JARID2: variants seen among roughly 807,000 people sequenced by gnomAD.
The protein encoded by JARID2 is jumonji and AT-rich interaction domain containing 2.
Under a neutral mutation model 125.6 loss-of-function variants are expected in JARID2, and 21 were observed. The ratio of observed to expected loss-of-function variants is 0.17; its 90% CI spans 0.12 to 0.24. The LOEUF (loss-of-function observed/expected upper bound fraction) is 0.24. Among genes scored for constraint, JARID2 ranks in the 10% least tolerant of loss-of-function variants. The pLI, the probability that JARID2 is intolerant of heterozygous loss-of-function variation, is 1.00. For synonymous variants in JARID2, 736 were observed against 661.6 expected (o/e 1.11, Z -1.73); for missense variants, 1,303 against 1,639.6 (o/e 0.79, Z 3.55).
At chr6:15,256,945 G>A (rs1348465863) in intron 1 of JARID2, among the ~76,000 whole-genome samples, 1 of 152,140 alleles carries the variant, frequency 6.6e-6, no homozygotes, top group Non-Finnish European at 1.5e-5. Flanking sequence ...GGAGGGAATC[G>A]GTATGAATCT....
intron 5 of JARID2, 28 bp from the exon 6 acceptor site, chr6:15,487,279 T>C (rs1172001518): frequency 1.3e-6 from 2 of 1,594,306 alleles, no homozygotes; most frequent in South Asian, 2.2e-5. Context: ...GGTAGTGATT[T>C]CATTCTTGTT....
chr6:15,449,021 A>C (rs1767796826), intron 3 of JARID2, among the ~76,000 whole-genome samples: 1 of 152,052 alleles, frequency 6.6e-6, no homozygotes, highest in Non-Finnish European at 1.5e-5. Context: ...GGGGAAAAAC[A>C]ACCAAGCAGA....
At chr6:15,272,573 A>C (rs1052587404) in intron 1 of JARID2, among the ~76,000 whole-genome samples, 1 of 152,154 alleles carries the variant, frequency 6.6e-6, no homozygotes, top group Non-Finnish European at 1.5e-5. Context: ...ATTTCCCCCA[A>C]ATTGCAGCTG....
intron 1 of JARID2, among the ~76,000 whole-genome samples, chr6:15,362,602 G>C (rs1763837747): frequency 6.6e-6 from 1 of 152,184 alleles, no homozygotes; most frequent in Admixed American, 6.5e-5. Flanking sequence ...TGTAAGGGAA[G>C]TTAGGCTGAT....
At chr6:15,419,264 C>G (rs1412450821) in intron 3 of JARID2, among the ~76,000 whole-genome samples, 2 of 152,070 alleles carry the variant, frequency 1.3e-5, no homozygotes, top group Admixed American at 6.5e-5. Context: ...AAGAGAAGTA[C>G]TAGTTTAATT....
intron 1 of JARID2, among the ~76,000 whole-genome samples, chr6:15,256,917 G>A (rs904451378): frequency 2.0e-5 from 3 of 152,180 alleles, no homozygotes; most frequent in Admixed American, 6.5e-5. Context: ...GGAGTATTTC[G>A]AGTACTACTT....
At chr6:15,441,713 A>G (rs185010414) in intron 3 of JARID2, among the ~76,000 whole-genome samples, 1 of 152,154 alleles carries the variant, frequency 6.6e-6, no homozygotes, top group East Asian at 1.9e-4. Flanking sequence ...TCCATCTGGT[A>G]TGATATTTCT....
intron 3 of JARID2, among the ~76,000 whole-genome samples, chr6:15,438,839 C>T (rs1276944435): frequency 6.6e-6 from 1 of 152,096 alleles, no homozygotes; most frequent in African/African-American, 2.4e-5. Flanking sequence ...GACCACCAGC[C>T]TGGGTAACAT....
intron 1 of JARID2, among the ~76,000 whole-genome samples, chr6:15,252,837 C>T (rs185610634): frequency 1.5e-3 from 235 of 152,230 alleles, no homozygotes; most frequent in Non-Finnish European, 2.9e-3. Context: ...TTTCCAGGCC[C>T]CCAGTCTTTG....
chr6:15,339,887 TCA>T lies in JARID2; in HGVS notation c.46-34228_46-34227del, dbSNP rs147773809. ...GCTCCCATACAAGGTTTCATTTCTTTCACCAGGGAGAAAAAACTCAGAGGACA... is the reference window on the plus strand; with the variant it reads ...GCTCCCATACAAGGTTTCATTTCTTTCCAGGGAGAAAAAACTCAGAGGACA... On this transcript the variant is annotated intron_variant, in intron 1 of 17. Coordinates refer to ENST00000341776, the MANE Select transcript of JARID2 (RefSeq NM_004973.4). Among the ~76,000 whole-genome samples, 1,388 of 152,252 alleles carry T rather than the reference TCA, an allele frequency of 9.1e-3. 12 individuals carry two copies. The highest frequency in any genetic ancestry group is 0.024 in the Middle Eastern group (7 of 294).
intron 5 of JARID2, among the ~76,000 whole-genome samples, chr6:15,477,340 A>G (rs9476829): frequency 2.3e-3 from 343 of 151,848 alleles, no homozygotes; most frequent in African/African-American, 7.7e-3. Context: ...TAGCCCTGCT[A>G]TGTTCAGTGG....
chr6:15,390,528 G>A (rs1447726673), intron 2 of JARID2, among the ~76,000 whole-genome samples: 1 of 152,154 alleles, frequency 6.6e-6, no homozygotes, highest in Non-Finnish European at 1.5e-5. Context: ...CTTGGTAGTG[G>A]ATGTTGACAT....
At chr6:15,503,970 C>T (rs892774646) in intron 8 of JARID2, among the ~76,000 whole-genome samples, 13 of 152,222 alleles carry the variant, frequency 8.5e-5, no homozygotes, top group African/African-American at 2.7e-4. Flanking sequence ...GCGACCAGGT[C>T]GCAACCTCAG....
At chr6:15,376,666 T>C (rs1016724821) in intron 2 of JARID2, among the ~76,000 whole-genome samples, 3 of 152,230 alleles carry the variant, frequency 2.0e-5, no homozygotes, top group South Asian at 2.1e-4. Flanking sequence ...CAAGGCTGCA[T>C]TGAGCTATGT....
chr6:15,265,153 A>G (rs543898071), intron 1 of JARID2, among the ~76,000 whole-genome samples: 3 of 152,192 alleles, frequency 2.0e-5, no homozygotes, highest in Non-Finnish European at 4.4e-5. Context: ...GCTTTAAAAT[A>G]GTTGGCACAT....
At chr6:15,511,847 G>T (rs1771294930) in intron 13 of JARID2, among the ~76,000 whole-genome samples, 1 of 152,172 alleles carries the variant, frequency 6.6e-6, no homozygotes, top group Admixed American at 6.5e-5. Flanking sequence ...AGAAGAGATG[G>T]ACGGGGGACT....
At chr6:15,385,453 G>C (rs184146058) in intron 2 of JARID2, among the ~76,000 whole-genome samples, 104 of 151,700 alleles carry the variant, frequency 6.9e-4, no homozygotes, top group African/African-American at 2.2e-3. Context: ...GGACATGTGC[G>C]TGCGTTTATT....
intron 1 of JARID2, among the ~76,000 whole-genome samples, chr6:15,331,003 C>T (rs1298289172): frequency 6.6e-6 from 1 of 152,092 alleles, no homozygotes. Context: ...ACTTCATTGT[C>T]TTGTGAAAGG....
chr6:15,435,040 G>C (rs930482696), intron 3 of JARID2, among the ~76,000 whole-genome samples: 3 of 152,226 alleles, frequency 2.0e-5, no homozygotes, highest in Non-Finnish European at 4.4e-5. Context: ...GGTAGTTTCA[G>C]TGTTCACTGT....
Sources: gnomAD v4.1 joint callset for allele counts (sites outside exome capture counted in the v4.1 genomes callset) on GRCh38, gnomAD v4.1.1 for gene constraint, MANE v1.5 for transcripts, NCBI Gene and HGNC (gene_info 2026-07-23, HGNC 2026-07-21) for gene names.